The following SLIT3 variants were observed in gnomAD, a reference collection of about 807,000 sequenced individuals.
SLIT3 encodes the protein slit guidance ligand 3, also known as slit homolog 3 protein.
Under a neutral mutation model 184.0 loss-of-function variants are expected in SLIT3, and 68 were observed. The ratio of observed to expected loss-of-function variants is 0.37; its 90% confidence interval spans 0.30 to 0.45. SLIT3 has a LOEUF of 0.45. SLIT3 is among the 20% of genes least tolerant of loss of function. The pLI is 1.00. For missense variants in SLIT3, 1,707 were observed against 2,026.0 expected (o/e 0.84, Z 3.02); for synonymous variants, 831 against 828.6 (o/e 1.00, Z -0.05).
Position 169,249,744 on chromosome 5 carries a change from C to G in SLIT3, c.269+1644G>C, listed in dbSNP as rs560111389. On this transcript the variant is annotated intron_variant, in intron 2 of 35. Coordinates refer to ENST00000519560, the MANE Select transcript of SLIT3 (RefSeq NM_003062.4). ...AATTCCCCCACCCTGATCTCAGTCT[C>G]GATTCTGATCCACGCACACCTTGTC... Among the ~76,000 whole-genome samples, 3 of 152,354 alleles carry G rather than the reference C, an allele frequency of 2.0e-5. No homozygotes were observed. The East Asian group carries it at 5.8e-4, about 29-fold the overall frequency.
At chr5:168,883,392 C>T (rs1036867001) in intron 4 of SLIT3, 56 bp from the exon 5 acceptor site, 3 of 1,316,040 alleles carry the variant, frequency 2.3e-6, no homozygotes, top group Non-Finnish European at 3.3e-6. Context: ...TCTTGATCTG[C>T]ATCTCATTAA....
intron 2 of SLIT3, among the ~76,000 whole-genome samples, chr5:169,248,981 G>A (rs1486945096): frequency 6.6e-6 from 1 of 152,092 alleles, no homozygotes; most frequent in Non-Finnish European, 1.5e-5. Flanking sequence ...GAAACTGTTG[G>A]GTGGCCAATT....
At chr5:169,064,542 T>C (rs571811897) in intron 4 of SLIT3, among the ~76,000 whole-genome samples, 1 of 152,332 alleles carries the variant, frequency 6.6e-6, no homozygotes, top group African/African-American at 2.4e-5. Flanking sequence ...TTAGGTTACA[T>C]AGCTGGAAAC....
intron 4 of SLIT3, among the ~76,000 whole-genome samples, chr5:168,929,920 T>C (rs868362593): frequency 6.6e-6 from 1 of 152,168 alleles, no homozygotes; most frequent in African/African-American, 2.4e-5. Flanking sequence ...GGGGTGTCCT[T>C]CCTCGGGGAC....
At chr5:169,168,316 TA>T (rs1201864247) in intron 4 of SLIT3, among the ~76,000 whole-genome samples, 1 of 152,184 alleles carries the variant, frequency 6.6e-6, no homozygotes, top group Non-Finnish European at 1.5e-5. Context: ...AAAATAACTT[TA>T]AAAGATAATA....
At chr5:168,703,473 A>G (rs1051681780) in intron 26 of SLIT3, among the ~76,000 whole-genome samples, 1 of 151,856 alleles carries the variant, frequency 6.6e-6, no homozygotes, top group Non-Finnish European at 1.5e-5. Flanking sequence ...AGGAGCACAC[A>G]CCCTACTGTG....
At chr5:168,703,226 T>G (rs1020041804) in intron 26 of SLIT3, among the ~76,000 whole-genome samples, 2 of 126,658 alleles carry the variant, frequency 1.6e-5, no homozygotes, top group Non-Finnish European at 3.4e-5. Context: ...TCATCCCACT[T>G]TGTGTGTGTG....
intron 5 of SLIT3, among the ~76,000 whole-genome samples, chr5:168,866,236 G>A (rs138886126): frequency 6.6e-6 from 1 of 152,296 alleles, no homozygotes; most frequent in East Asian, 1.9e-4. Flanking sequence ...GCCACTCACA[G>A]GGAGAAACTC....
chr5:169,174,329 A>G (rs1321777438), intron 4 of SLIT3, among the ~76,000 whole-genome samples: 1 of 152,170 alleles, frequency 6.6e-6, no homozygotes, highest in Admixed American at 6.5e-5. Context: ...GACCCCCATG[A>G]GACCACACAC....
chr5:168,859,327 G>C (rs1472962871), intron 5 of SLIT3, among the ~76,000 whole-genome samples: 1 of 152,152 alleles, frequency 6.6e-6, no homozygotes, highest in East Asian at 1.9e-4. Context: ...CTGTCATAAA[G>C]ATGATGTAAA....
chr5:169,108,478 T>C (rs943682301), intron 4 of SLIT3, among the ~76,000 whole-genome samples: 1 of 152,024 alleles, frequency 6.6e-6, no homozygotes, highest in South Asian at 2.1e-4. Flanking sequence ...AGAAGCTGGG[T>C]TGGAGGAAAG....
intron 20 of SLIT3, among the ~76,000 whole-genome samples, chr5:168,725,604 T>A (rs538143882): frequency 3.8e-4 from 58 of 152,328 alleles, no homozygotes; most frequent in Non-Finnish European, 7.3e-4. Flanking sequence ...GGTCTATCTC[T>A]TGCTAGCCTG....
intron 4 of SLIT3, among the ~76,000 whole-genome samples, chr5:169,102,952 G>A (rs929642378): frequency 1.3e-5 from 2 of 152,254 alleles, no homozygotes; most frequent in South Asian, 4.1e-4. Context: ...TTAACCTTCA[G>A]AAACCCCATT....
At chr5:168,769,654 G>C (rs936153140) in intron 14 of SLIT3, among the ~76,000 whole-genome samples, 1 of 152,188 alleles carries the variant, frequency 6.6e-6, no homozygotes, top group Non-Finnish European at 1.5e-5. Context: ...TCAAATGTGA[G>C]TTTGATTAGG....
chr5:168,942,407 T>G (rs1015543945), intron 4 of SLIT3, among the ~76,000 whole-genome samples: 1 of 152,260 alleles, frequency 6.6e-6, no homozygotes, highest in Non-Finnish European at 1.5e-5. Flanking sequence ...AATGAGAATC[T>G]CGACTATACT....
At chr5:168,961,181 C>G (rs140837181) in intron 4 of SLIT3, among the ~76,000 whole-genome samples, 26 of 152,318 alleles carry the variant, frequency 1.7e-4, no homozygotes, top group African/African-American at 5.1e-4. Flanking sequence ...TTGACTGGAT[C>G]AAAGCCCTGG....
chr5:169,189,011 A>G (rs1010357537), intron 4 of SLIT3, among the ~76,000 whole-genome samples: 2 of 152,130 alleles, frequency 1.3e-5, no homozygotes, highest in Non-Finnish European at 2.9e-5. Flanking sequence ...GCAGGGGACA[A>G]ATATTTATTG....
chr5:169,185,036 GGA>G (rs1763288261), intron 4 of SLIT3, among the ~76,000 whole-genome samples: 1 of 152,190 alleles, frequency 6.6e-6, no homozygotes, highest in South Asian at 2.1e-4. Context: ...TCCTATCGGA[GGA>G]GAGAGACGAC....
At chr5:169,037,022 A>T (rs1327165429) in intron 4 of SLIT3, among the ~76,000 whole-genome samples, 2 of 152,308 alleles carry the variant, frequency 1.3e-5, no homozygotes, top group East Asian at 3.9e-4. Flanking sequence ...CAGGTGTGGG[A>T]CAAACCACTG....
Sources: gnomAD v4.1 joint callset for allele counts (sites outside exome capture counted in the v4.1 genomes callset) on GRCh38, gnomAD v4.1.1 for gene constraint, MANE v1.5 for transcripts, NCBI Gene and HGNC (gene_info 2026-07-23, HGNC 2026-07-21) for gene names.